The following MGMT variants were observed in gnomAD, a reference collection of about 807,000 sequenced individuals.
MGMT encodes the protein O-6-methylguanine-DNA methyltransferase.
In MGMT, 14 loss-of-function variants were observed where a neutral mutation model predicts 15.9. That is an observed-to-expected ratio of 0.88 (90% confidence interval 0.58 to 1.37). The LOEUF is 1.37. Among genes scored for constraint, MGMT ranks in the 40% most tolerant of loss-of-function variants. The probability of loss-of-function intolerance (pLI) is 0.00; values close to 1 mark genes in which losing one functional copy is unlikely to be tolerated. For missense variants in MGMT, 282 were observed against 268.1 expected, an observed-to-expected ratio of 1.05 and a Z score of -0.36; for synonymous variants, 130 against 118.2, an observed-to-expected ratio of 1.10 and a Z score of -0.65.
At chr10:129,585,537 A>G (rs1185500479) in intron 2 of MGMT, among the ~76,000 whole-genome samples, 5 of 152,174 alleles carry the variant, frequency 3.3e-5, no homozygotes, top group African/African-American at 1.2e-4. Flanking sequence ...ATGGCATACT[A>G]TTCTTATATA....
intron 2 of MGMT, among the ~76,000 whole-genome samples, chr10:129,609,150 C>A (rs1400552768): frequency 6.6e-6 from 1 of 152,168 alleles, no homozygotes; most frequent in African/African-American, 2.4e-5. Context: ...TGGACATGAT[C>A]CTGAGAGTCC....
intron 2 of MGMT, among the ~76,000 whole-genome samples, chr10:129,604,613 C>G (rs1226929459): frequency 6.6e-6 from 1 of 151,384 alleles, no homozygotes; most frequent in African/African-American, 2.4e-5. Flanking sequence ...GAGCCACTCT[C>G]TTGGTGTGGG....
intron 2 of MGMT, among the ~76,000 whole-genome samples, chr10:129,560,630 A>G (rs1214421821): frequency 6.6e-6 from 1 of 152,206 alleles, no homozygotes; most frequent in African/African-American, 2.4e-5. Flanking sequence ...GACATTTCAC[A>G]TTGAATTATC....
Position 129,579,602 on chromosome 10 carries a change from T to C in MGMT, c.125+43225T>C, listed in dbSNP as rs117595174. On this transcript the variant is annotated intron_variant, in intron 2 of 4. Coordinates refer to ENST00000651593, the MANE Select transcript of MGMT (RefSeq NM_002412.5). ...TTATTTACCTTGGGCCTGGCGCTGT[T>C]ATCTCAGCTGAGTGTCCGTGTTTAA... Among the ~76,000 whole-genome samples the C allele has an allele frequency of 4.7e-3, 718 of 152,364 alleles. 6 individuals carry two copies. The highest frequency in any genetic ancestry group is 6.0e-3 in the Non-Finnish European group (408 of 68,032).
chr10:129,735,809 T>G (rs1848553753), intron 3 of MGMT, among the ~76,000 whole-genome samples: 1 of 67,712 alleles, frequency 1.5e-5, no homozygotes, highest in Non-Finnish European at 2.7e-5. Flanking sequence ...TGCCTTCATT[T>G]CATTATGTAC....
intron 2 of MGMT, among the ~76,000 whole-genome samples, chr10:129,626,799 T>C (rs974119453): frequency 6.6e-6 from 1 of 152,218 alleles, no homozygotes; most frequent in Non-Finnish European, 1.5e-5. Context: ...CTATAATTAC[T>C]CTTTTCAGAA....
rs76707154 is a variant in MGMT at position 129,758,447 on chromosome 10, G to A, written c.275-755G>A. ...GTACTGATTCAGACAGGCCTTCTTCGCGTGCCCCAGTTTCTCTCCCACCGA... is the reference window on the plus strand; with the variant it reads ...GTACTGATTCAGACAGGCCTTCTTCACGTGCCCCAGTTTCTCTCCCACCGA... On this transcript the variant is annotated intron_variant, in intron 3 of 4. Coordinates refer to ENST00000651593, the MANE Select transcript of MGMT (RefSeq NM_002412.5). Among the ~76,000 whole-genome samples, 399 of 151,946 alleles carry A rather than the reference G, an allele frequency of 2.6e-3. 1 individual carries two copies. The highest frequency in any genetic ancestry group is 9.1e-3 in the African/African-American group (377 of 41,432).
intron 2 of MGMT, among the ~76,000 whole-genome samples, chr10:129,688,763 TA>T (rs1032870297): frequency 1.3e-5 from 2 of 152,164 alleles, no homozygotes; most frequent in African/African-American, 4.8e-5. Context: ...GGTATCTAAT[TA>T]AACTAAAGAA....
intron 2 of MGMT, among the ~76,000 whole-genome samples, chr10:129,639,295 A>G (rs959588736): frequency 1.3e-5 from 2 of 152,218 alleles, no homozygotes; most frequent in African/African-American, 4.8e-5. Context: ...GAGATGTTAC[A>G]TAGCGATAAA....
chr10:129,727,531 C>T (rs1848447665), intron 3 of MGMT, among the ~76,000 whole-genome samples: 1 of 152,230 alleles, frequency 6.6e-6, no homozygotes, highest in African/African-American at 2.4e-5. Context: ...TATCTGTTAC[C>T]TGTCTGTAGT....
At chr10:129,526,727 G>GT (rs1211798219) in intron 1 of MGMT, among the ~76,000 whole-genome samples, 1 of 152,180 alleles carries the variant, frequency 6.6e-6, no homozygotes, top group African/African-American at 2.4e-5. Flanking sequence ...GAAAGACACA[G>GT]AGCTGCAAAG....
chr10:129,761,661 A>G (rs1003665320), intron 4 of MGMT, among the ~76,000 whole-genome samples: 1 of 152,236 alleles, frequency 6.6e-6, no homozygotes, highest in Non-Finnish European at 1.5e-5. Flanking sequence ...TAATGTCTGT[A>G]AAGTCCACAC....
chr10:129,734,955 C>T (rs7916591), intron 3 of MGMT, among the ~76,000 whole-genome samples: 11,415 of 152,112 alleles, frequency 0.075, 1,099 homozygotes, highest in African/African-American at 0.23. Flanking sequence ...CTGCTGGATT[C>T]GGTTTGCCAG....
Position 129,708,895 on chromosome 10 carries a change from A to C in MGMT, c.274+852A>C, listed in dbSNP as rs571394693. On this transcript the variant is annotated intron_variant, in intron 3 of 4. Coordinates refer to ENST00000651593, the MANE Select transcript of MGMT (RefSeq NM_002412.5). ...TGCTGGGTAAGCTTAACAGTATTCT[A>C]ATTGCTGCGGTGCTTCTCAGCACAA... Among the ~76,000 whole-genome samples the C allele has an allele frequency of 3.9e-4, 59 of 152,226 alleles. 1 individual carries two copies. Among genetic ancestry groups the C allele is most frequent in the Non-Finnish European group, 7.5e-4 (51 of 68,034 alleles).
intron 3 of MGMT, among the ~76,000 whole-genome samples, chr10:129,749,888 C>T (rs1441844344): frequency 6.6e-6 from 1 of 152,034 alleles, no homozygotes; most frequent in African/African-American, 2.4e-5. Context: ...AATATCTTTC[C>T]TTGTGCTTAT....
At chr10:129,512,183 T>G (rs1845691166) in intron 1 of MGMT, among the ~76,000 whole-genome samples, 1 of 152,208 alleles carries the variant, frequency 6.6e-6, no homozygotes, top group Non-Finnish European at 1.5e-5. Context: ...CCATCCCTGC[T>G]TTAATTGACC....
At chr10:129,730,213 A>G (rs774686949) in intron 3 of MGMT, among the ~76,000 whole-genome samples, 1 of 152,200 alleles carries the variant, frequency 6.6e-6, no homozygotes, top group Admixed American at 6.5e-5. Context: ...CCATTGGCGC[A>G]TTGAGCATGA....
chr10:129,735,121 G>A (rs1346085562), intron 3 of MGMT, among the ~76,000 whole-genome samples: 1 of 152,166 alleles, frequency 6.6e-6, no homozygotes, highest in Admixed American at 6.5e-5. Flanking sequence ...GATTGGAATA[G>A]TTTCAGAAGC....
At chr10:129,704,138 G>A (rs1240488603) in intron 2 of MGMT, among the ~76,000 whole-genome samples, 1 of 152,126 alleles carries the variant, frequency 6.6e-6, no homozygotes, top group Non-Finnish European at 1.5e-5. Flanking sequence ...GCAAAGAGCA[G>A]AGCAAGAATT....
Sources: allele counts gnomAD v4.1 joint callset (sites outside exome capture counted in the v4.1 genomes callset), GRCh38; gene constraint gnomAD v4.1.1; transcripts MANE v1.5; gene names NCBI Gene and HGNC (gene_info 2026-07-23, HGNC 2026-07-21).